Variants in GPR160 observed in about 807,000 individuals in gnomAD.
GPR160 encodes the protein G protein-coupled receptor 160, also known as probable G protein-coupled receptor 160.
GPR160 carries 2 observed loss-of-function variants against 2.6 expected under a neutral mutation model. The observed-to-expected ratio is 0.77, with a 90% confidence interval of 0.32 to 2.44. The LOEUF (loss-of-function observed/expected upper bound fraction) is 2.44. Ranked by LOEUF, GPR160 falls within the 30% of genes most tolerant of loss-of-function variation. The pLI, the probability that GPR160 is intolerant of heterozygous loss-of-function variation, is 0.11. For missense variants in GPR160, 351 were observed against 383.6 expected (o/e 0.91, Z 0.71); for synonymous variants, 130 against 132.2 (o/e 0.98, Z 0.12).
chr3:170,050,062 CT>C lies in GPR160; in HGVS notation c.-193+11033del, dbSNP rs35059153. ...TCTAAAAGGTACACTCAGACAATTC[CT>C]TTTTTTTTTTTTTGACACTGAGTTT... On this transcript the variant is annotated intron_variant, in intron 2 of 3. Coordinates refer to ENST00000355897, the MANE Select transcript of GPR160 (RefSeq NM_014373.3). Among the ~76,000 whole-genome samples the C allele has an allele frequency of 5.2e-3, 745 of 144,118 alleles. 1 individual carries two copies. Among genetic ancestry groups the C allele is most frequent in the Non-Finnish European group, 6.5e-3 (424 of 65,350 alleles). 94.5% of individuals were successfully genotyped at this position (144,118 alleles called of 152,430 possible). A position where few individuals can be genotyped will look rare whatever the true frequency, so the allele number is the denominator to read the frequency against.
intron 2 of GPR160, among the ~76,000 whole-genome samples, chr3:170,040,550 G>A (rs1338027934): frequency 6.6e-6 from 1 of 152,180 alleles, no homozygotes; most frequent in Admixed American, 6.5e-5. Context: ...TTTACACAAA[G>A]GGCATTAGCA....
rs1278289535 is a variant in GPR160 at position 170,038,499 on chromosome 3, C to G, written c.-322+284C>G. ...TGTCGTGGGTTTGAGGGCAGGGGGT[C>G]TGGGGAATGGGCGTGTCCCGCACCC... is the stretch of plus-strand genomic sequence containing the variant. On this transcript the variant is annotated intron_variant, in intron 1 of 3. Transcript: ENST00000355897. This position sits in a 1 kb window ranked among gnomAD's most constrained non-coding sequence, Gnocchi z 5.3. 1 of 152,224 alleles carries G rather than the reference C, an allele frequency of 6.6e-6. No individual in the cohort carries two copies. Among genetic ancestry groups the G allele is most frequent in the Admixed American group, 6.5e-5 (1 of 15,278 alleles). The allele number at this position is 152,224 out of a possible 1,614,324, so 9.4% of individuals were successfully genotyped here. A position where few individuals can be genotyped will look rare whatever the true frequency, so the allele number is the denominator to read the frequency against.
At chr3:170,073,348 TTG>T (rs1459462268) in intron 2 of GPR160, among the ~76,000 whole-genome samples, 11 of 152,328 alleles carry the variant, frequency 7.2e-5, no homozygotes, top group Middle Eastern at 3.4e-3. Context: ...TAGTTTATTT[TTG>T]TGTATGGTGT....
In GPR160 at chr3:170,038,142, G is replaced by A. The variant is rs922372211; in HGVS notation, c.-395G>A. ...GAGCTGGGCCCTCGCCCCTCCCTCG[G>A]GCGGTCACCTGGGCACGGGCGCTGC... is the stretch of plus-strand genomic sequence containing the variant. On this transcript the variant is annotated 5_prime_UTR_variant, in exon 1 of 4. Coordinates refer to ENST00000355897, the MANE Select transcript of GPR160 (RefSeq NM_014373.3). This position sits in a 1 kb window ranked among gnomAD's most constrained non-coding sequence, Gnocchi z 5.3. 4 of 152,818 alleles carry A rather than the reference G, an allele frequency of 2.6e-5. No individual in the cohort carries two copies. The highest frequency in any genetic ancestry group is 3.8e-4 in the South Asian group (2 of 5,326). The allele number at this position is 152,818 out of a possible 1,614,324, so 9.5% of individuals were successfully genotyped here.
intron 2 of GPR160, among the ~76,000 whole-genome samples, chr3:170,056,473 C>G (rs868110617): frequency 6.6e-6 from 1 of 152,020 alleles, no homozygotes; most frequent in African/African-American, 2.4e-5. Context: ...AATAACAGCC[C>G]GGGGAAACAG....
intron 2 of GPR160, among the ~76,000 whole-genome samples, chr3:170,079,535 C>T (rs1470326010): frequency 6.6e-6 from 1 of 152,150 alleles, no homozygotes; most frequent in Non-Finnish European, 1.5e-5. Context: ...AAGCAAGATT[C>T]CTTTAAGTAA....
intron 2 of GPR160, among the ~76,000 whole-genome samples, chr3:170,061,299 A>C (rs997107075): frequency 1.9e-4 from 29 of 151,632 alleles, no homozygotes; most frequent in Admixed American, 1.2e-3. Flanking sequence ...GAAAGATAAA[A>C]AACAACAACA....
chr3:170,046,904 T>C (rs1050064272), intron 2 of GPR160, among the ~76,000 whole-genome samples: 9 of 152,144 alleles, frequency 5.9e-5, no homozygotes, highest in African/African-American at 2.2e-4. Context: ...GAGTTCTTAT[T>C]CTTTATGCCC....
intron 2 of GPR160, among the ~76,000 whole-genome samples, chr3:170,071,528 G>C (rs66909655): frequency 0.29 from 44,134 of 151,920 alleles, 6,708 homozygotes; most frequent in East Asian, 0.58. Flanking sequence ...CACAGTGGCT[G>C]ACGCCTGTAA....
intron 2 of GPR160, among the ~76,000 whole-genome samples, chr3:170,057,005 A>T (rs2108322065): frequency 6.6e-6 from 1 of 152,390 alleles, no homozygotes; most frequent in African/African-American, 2.4e-5. Flanking sequence ...AACTATGTTT[A>T]GCTTGAGTGC....
At chr3:170,064,535 T>TTTTTC (rs1219393634) in intron 2 of GPR160, among the ~76,000 whole-genome samples, 10 of 128,026 alleles carry the variant, frequency 7.8e-5, no homozygotes, top group East Asian at 2.4e-4. Flanking sequence ...TTTTTTTTTT[T>TTTTTC]TGAGGCAGAG....
At chr3:170,047,930 C>T (rs138838924) in intron 2 of GPR160, among the ~76,000 whole-genome samples, 2,151 of 151,604 alleles carry the variant, frequency 0.014, 54 homozygotes, top group African/African-American at 0.049. Flanking sequence ...CTCCACCTCC[C>T]AGGTTCAAGC....
intron 2 of GPR160, among the ~76,000 whole-genome samples, chr3:170,079,506 C>A (rs562724117): frequency 2.0e-5 from 3 of 152,190 alleles, no homozygotes; most frequent in Non-Finnish European, 4.4e-5. Context: ...GCTGCTTTAT[C>A]CTGTGGCTGA....
At chr3:170,083,876 T>C (rs1398580062) in intron 3 of GPR160, 29 bp from the exon 4 acceptor site, 1 of 633,132 alleles carries the variant, frequency 1.6e-6, no homozygotes, top group African/African-American at 1.9e-5. Flanking sequence ...ATAGGTAACA[T>C]TAAGGTTTTC....
chr3:170,073,415 T>G (rs1712695741), intron 2 of GPR160, among the ~76,000 whole-genome samples: 1 of 152,198 alleles, frequency 6.6e-6, no homozygotes, highest in Non-Finnish European at 1.5e-5. Context: ...TTCAGCACCA[T>G]GAGATTGATC....
rs748213865 is a variant in GPR160 at position 170,084,680 on chromosome 3, TA to T, written c.715del (p.Ile239TyrfsTer22). 1.9e-6 allele frequency: 3 copies of T among 1,611,492 alleles called. No individual in the cohort carries two copies. Among genetic ancestry groups the T allele is most frequent in the Non-Finnish European group, 1.7e-6 (2 of 1,177,970 alleles). ...CCCACTCCAGTTATACTGTGAGATCTAAAAAAATATTCTTATCCAAGCTCAT... is the reference window on the plus strand; with the variant it reads ...CCCACTCCAGTTATACTGTGAGATCTAAAAAATATTCTTATCCAAGCTCAT... ...SSHSSYTVRS[K>X]KIFLSKLIVC... On this transcript the variant is annotated frameshift_variant, in exon 4 of 4. Coordinates refer to ENST00000355897, the MANE Select transcript of GPR160 (RefSeq NM_014373.3). LOFTEE classifies it high-confidence loss of function.
intron 2 of GPR160, among the ~76,000 whole-genome samples, chr3:170,045,978 G>A (rs1329784639): frequency 2.0e-5 from 3 of 152,156 alleles, no homozygotes; most frequent in Non-Finnish European, 4.4e-5. Flanking sequence ...TCAGTGGCAC[G>A]TCAAGTGCTT....
At chr3:170,039,344 T>G (rs192753611) in intron 2 of GPR160, among the ~76,000 whole-genome samples, 218 of 152,280 alleles carry the variant, frequency 1.4e-3, no homozygotes, top group Non-Finnish European at 2.3e-3. Context: ...TTCAAAACGA[T>G]TTAAGAGAAA....
rs1163809863 is a variant in GPR160, at chr3:170,084,616, C to T, written c.644C>T (p.Ser215Phe). The T allele has an allele frequency of 6.2e-7, 1 of 1,612,222 alleles. No homozygotes were observed. The highest frequency in any genetic ancestry group is 8.5e-7 in the Non-Finnish European group (1 of 1,178,386). The change falls in exon 4 of 4, where the codon TCC (serine) becomes TTC (phenylalanine). Residue 215 changes from serine to phenylalanine, a missense_variant. Physicochemically the swap from Ser to Phe is radical, Grantham distance 155. Coordinates refer to ENST00000355897, the MANE Select transcript of GPR160 (RefSeq NM_014373.3). ...TTLVQAIRIT[S>F]YMNETILYFP... Reference sequence around the variant, plus strand: ...TTGGTACAGGCTATCAGGATAACTTCCTATATGAATGAAACTATCTTATAT... The same window carrying T: ...TTGGTACAGGCTATCAGGATAACTTTCTATATGAATGAAACTATCTTATAT...
Sources: gnomAD v4.1 joint callset for allele counts (sites outside exome capture counted in the v4.1 genomes callset) on GRCh38, gnomAD v4.1.1 for gene constraint, Gnocchi (gnomAD v3.1) non-coding constraint, MANE v1.5 for transcripts, NCBI Gene and HGNC (gene_info 2026-07-23, HGNC 2026-07-21) for gene names.